Variants in CDH12 observed in about 807,000 individuals in gnomAD.
The protein encoded by CDH12 is cadherin-12.
A neutral mutation model predicts 74.1 loss-of-function variants in CDH12; 41 were observed. That is an observed-to-expected ratio of 0.55 (90% CI 0.43 to 0.72). The LOEUF (loss-of-function observed/expected upper bound fraction) is 0.72, where lower values mean the gene tolerates loss of function less well. CDH12 is among the 30% of genes least tolerant of loss of function. The probability of loss-of-function intolerance (pLI) is 0.00; values close to 1 mark genes in which losing one functional copy is unlikely to be tolerated. For missense variants in CDH12, 945 were observed against 977.2 expected (o/e 0.97, Z 0.44); for synonymous variants, 399 against 355.0 (o/e 1.12, Z -1.39).
rs150045791 is a variant in CDH12, at chr5:22,125,727, C to G, written c.-186-46865G>C. Among the ~76,000 whole-genome samples the G allele has an allele frequency of 3.9e-4, 60 of 152,272 alleles. 1 individual carries two copies. In the East Asian group the frequency reaches 0.011, roughly 29 times the overall value. ...GAGCAAGTGAGTTCCATGTACACAT[C>G]CCAGTGTTTCCTCAAGTAGCCTGCA... On this transcript the variant is annotated intron_variant, in intron 4 of 14. Coordinates refer to ENST00000382254, the MANE Select transcript of CDH12 (RefSeq NM_004061.5).
chr5:21,858,934 C>G (rs1216158496), intron 6 of CDH12, among the ~76,000 whole-genome samples: 1 of 151,844 alleles, frequency 6.6e-6, no homozygotes, highest in Admixed American at 6.6e-5. Context: ...CTAAACTGAG[C>G]TAATTAACTT....
intron 1 of CDH12, among the ~76,000 whole-genome samples, chr5:22,702,148 G>A (rs1054563175): frequency 6.6e-6 from 1 of 152,102 alleles, no homozygotes; most frequent in Non-Finnish European, 1.5e-5. Context: ...GAATGAGTTA[G>A]CATGAGGCCA....
intron 1 of CDH12, among the ~76,000 whole-genome samples, chr5:22,735,869 T>C (rs1431596256): frequency 1.3e-5 from 2 of 151,898 alleles, no homozygotes; most frequent in Non-Finnish European, 2.9e-5. Flanking sequence ...TGAAAATTAA[T>C]CTGGAGAAGT....
At chr5:22,171,197 CATGCAG>C (rs1254429385) in intron 4 of CDH12, among the ~76,000 whole-genome samples, 1 of 151,834 alleles carries the variant, frequency 6.6e-6, no homozygotes, top group East Asian at 1.9e-4. Flanking sequence ...TCAGATTTAT[CATGCAG>C]ATGACTGGCT....
At chr5:21,833,691 A>G (rs1414741197) in intron 8 of CDH12, among the ~76,000 whole-genome samples, 1 of 151,314 alleles carries the variant, frequency 6.6e-6, no homozygotes, top group African/African-American at 2.4e-5. Flanking sequence ...TCACCACAGT[A>G]AACCAGTGAT....
chr5:22,502,901 A>G (rs1338259354), intron 2 of CDH12, among the ~76,000 whole-genome samples: 1 of 152,118 alleles, frequency 6.6e-6, no homozygotes, highest in African/African-American at 2.4e-5. Flanking sequence ...TAAATTCACC[A>G]CATATGAAAT....
chr5:22,365,355 C>T (rs1349748078), intron 3 of CDH12, among the ~76,000 whole-genome samples: 6 of 152,122 alleles, frequency 3.9e-5, no homozygotes, highest in African/African-American at 4.8e-5. Context: ...TTCAATAACG[C>T]ACTTGGTTTG....
chr5:22,140,481 T>G (rs3020548), intron 4 of CDH12, among the ~76,000 whole-genome samples: 10,462 of 152,110 alleles, frequency 0.069, 458 homozygotes, highest in Non-Finnish European at 0.098. Flanking sequence ...CATCCAATCC[T>G]GTATATTTGT....
At chr5:22,644,682 A>G (rs374074941) in intron 1 of CDH12, among the ~76,000 whole-genome samples, 1 of 151,988 alleles carries the variant, frequency 6.6e-6, no homozygotes. Flanking sequence ...CAGATTTTCA[A>G]TGTAGATGAA....
intron 6 of CDH12, among the ~76,000 whole-genome samples, chr5:21,961,338 A>T (rs1756355106): frequency 6.6e-6 from 1 of 152,122 alleles, no homozygotes; most frequent in Non-Finnish European, 1.5e-5. Flanking sequence ...TTAGCCAGCT[A>T]CATCAGTTTT....
At chr5:22,139,251 CCT>C (rs969147300) in intron 4 of CDH12, 1 of 149,400 alleles carries the variant, frequency 6.7e-6, no homozygotes, top group African/African-American at 2.5e-5. Context: ...AATACATACT[CCT>C]TTGTAGGTGA....
At chr5:22,519,139 T>C (rs1736937311) in intron 1 of CDH12, among the ~76,000 whole-genome samples, 1 of 152,152 alleles carries the variant, frequency 6.6e-6, no homozygotes, top group Non-Finnish European at 1.5e-5. Flanking sequence ...TCTCAGGTAC[T>C]GTGAGTCTTA....
intron 4 of CDH12, among the ~76,000 whole-genome samples, chr5:22,164,198 T>C (rs1009793639): frequency 2.6e-5 from 4 of 152,192 alleles, no homozygotes; most frequent in African/African-American, 9.7e-5. Flanking sequence ...GCAAGCCTCA[T>C]GCTCTCTGAC....
chr5:22,837,419 TTAAAA>T (rs1474879427), intron 1 of CDH12, among the ~76,000 whole-genome samples: 1 of 151,840 alleles, frequency 6.6e-6, no homozygotes, highest in Non-Finnish European at 1.5e-5. Context: ...AAAATAAAAA[TTAAAA>T]TAAAATAAAA....
intron 4 of CDH12, among the ~76,000 whole-genome samples, chr5:22,087,738 A>G (rs1211310106): frequency 6.6e-6 from 1 of 152,210 alleles, no homozygotes; most frequent in Non-Finnish European, 1.5e-5. Flanking sequence ...CAAGATCTCC[A>G]TTTTGATTAT....
intron 1 of CDH12, among the ~76,000 whole-genome samples, chr5:22,656,418 A>C (rs268972): frequency 0.59 from 89,898 of 151,954 alleles, 27,132 homozygotes; most frequent in East Asian, 0.87. Context: ...TGAATATGTG[A>C]CTTACATCAT....
intron 5 of CDH12, among the ~76,000 whole-genome samples, chr5:22,023,516 G>C (rs1373725580): frequency 6.6e-6 from 1 of 151,652 alleles, no homozygotes; most frequent in Non-Finnish European, 1.5e-5. Context: ...ATTTGTGTGT[G>C]TGTGTATATA....
intron 5 of CDH12, among the ~76,000 whole-genome samples, chr5:22,026,951 T>C (rs1297727738): frequency 6.6e-6 from 1 of 152,148 alleles, no homozygotes; most frequent in Non-Finnish European, 1.5e-5. Flanking sequence ...GGCTGTGGGT[T>C]TGTCATAGAT....
At chr5:22,330,744 C>CAAAAAA (rs1212274101) in intron 3 of CDH12, among the ~76,000 whole-genome samples, 2 of 52,350 alleles carry the variant, frequency 3.8e-5, no homozygotes, top group African/African-American at 1.1e-4. Context: ...AGCGAGACTC[C>CAAAAAA]AAAAAAAAAA....
Sources: allele counts gnomAD v4.1 joint callset (sites outside exome capture counted in the v4.1 genomes callset), GRCh38; gene constraint gnomAD v4.1.1; transcripts MANE v1.5; gene names NCBI Gene and HGNC (gene_info 2026-07-23, HGNC 2026-07-21).